Variants in TMEM117 observed in about 807,000 individuals in gnomAD.
The protein encoded by TMEM117 is transmembrane protein 117.
In TMEM117, 27 loss-of-function variants were observed where a neutral mutation model predicts 52.4. The observed-to-expected ratio is 0.51, with a 90% CI of 0.38 to 0.71. TMEM117 has a LOEUF of 0.71. TMEM117 is among the 30% of genes least tolerant of loss of function. The probability of loss-of-function intolerance (pLI) is 0.00; values close to 1 mark genes in which losing one functional copy is unlikely to be tolerated. For synonymous variants in TMEM117, 215 were observed against 206.3 expected, an observed-to-expected ratio of 1.04 and a Z score of -0.36; for missense variants, 556 against 630.5, an observed-to-expected ratio of 0.88 and a Z score of 1.26.
chr12:44,286,190 T>G (rs1467667043), intron 5 of TMEM117, among the ~76,000 whole-genome samples: 1 of 151,944 alleles, frequency 6.6e-6, no homozygotes, highest in Non-Finnish European at 1.5e-5. Flanking sequence ...TATTTTTATT[T>G]CCTTTAAGAT....
chr12:43,810,968 A>AAAG, the TMEM117 span, among the ~76,000 whole-genome samples: 1 of 152,248 alleles, frequency 6.6e-6, no homozygotes, highest in Non-Finnish European at 1.5e-5. Context: ...GATCCCAGAA[A>AAAG]AAGAACTGTT....
At chr12:43,937,767 T>G (rs1285484572) in intron 2 of TMEM117, among the ~76,000 whole-genome samples, 3 of 152,148 alleles carry the variant, frequency 2.0e-5, no homozygotes, top group African/African-American at 4.8e-5. Flanking sequence ...ACAAATAACT[T>G]AAGACATACT....
At chr12:43,862,608 T>C (rs1592315022) in intron 2 of TMEM117, among the ~76,000 whole-genome samples, 1 of 152,294 alleles carries the variant, frequency 6.6e-6, no homozygotes, top group Non-Finnish European at 1.5e-5. Flanking sequence ...GAAAAAGAAG[T>C]ACTTCTAGCT....
At chr12:43,915,501 T>G (rs1944586364) in intron 2 of TMEM117, among the ~76,000 whole-genome samples, 1 of 152,192 alleles carries the variant, frequency 6.6e-6, no homozygotes, top group Non-Finnish European at 1.5e-5. Context: ...ATATCAGTGC[T>G]TCTTATACAA....
chr12:43,954,788 C>T lies in TMEM117; in HGVS notation c.410+10446C>T, dbSNP rs543461334. On this transcript the variant is annotated intron_variant, in intron 3 of 7. Coordinates refer to ENST00000266534, the MANE Select transcript of TMEM117 (RefSeq NM_032256.3). ...TCCTCCATAACTCACTTTATGAGGC[C>T]AGCATCATCCTGATACAAAAACCTG... Among the ~76,000 whole-genome samples the T allele has an allele frequency of 1.2e-4, 19 of 152,274 alleles. No individual in the cohort carries two copies. The East Asian group carries it at 2.9e-3, about 23-fold the overall frequency.
chr12:44,100,983 C>G (rs922620581), intron 3 of TMEM117, among the ~76,000 whole-genome samples: 1 of 151,850 alleles, frequency 6.6e-6, no homozygotes, highest in Non-Finnish European at 1.5e-5. Flanking sequence ...GTGTGAAGTT[C>G]AAGATTAAGG....
At chr12:44,087,955 A>C (rs899198924) in intron 3 of TMEM117, among the ~76,000 whole-genome samples, 2 of 152,200 alleles carry the variant, frequency 1.3e-5, no homozygotes, top group African/African-American at 2.4e-5. Context: ...GAAGTCTTTT[A>C]CATTCTTAAA....
chr12:44,371,886 C>T (rs1702892457), intron 6 of TMEM117, among the ~76,000 whole-genome samples: 2 of 152,102 alleles, frequency 1.3e-5, no homozygotes, highest in South Asian at 4.2e-4. Context: ...AGTAAACCAT[C>T]CATATATGTA....
chr12:44,261,775 G>A (rs1950323317), intron 5 of TMEM117, among the ~76,000 whole-genome samples: 1 of 152,188 alleles, frequency 6.6e-6, no homozygotes, highest in Admixed American at 6.5e-5. Context: ...ACCTTCACAT[G>A]CGCAGCATTT....
At chr12:43,899,404 G>A (rs570415057) in intron 2 of TMEM117, among the ~76,000 whole-genome samples, 1 of 152,134 alleles carries the variant, frequency 6.6e-6, no homozygotes, top group African/African-American at 2.4e-5. Flanking sequence ...TTAGTATGTG[G>A]TTGGGGGTTT....
At chr12:44,216,107 A>C (rs147018441) in intron 5 of TMEM117, among the ~76,000 whole-genome samples, 1,788 of 148,144 alleles carry the variant, frequency 0.012, 31 homozygotes, top group African/African-American at 0.043. Context: ...TCCTGGGTGC[A>C]AGAGATTCTC....
At chr12:44,145,052 G>A (rs2138204785) in intron 4 of TMEM117, among the ~76,000 whole-genome samples, 1 of 152,308 alleles carries the variant, frequency 6.6e-6, no homozygotes, top group South Asian at 2.1e-4. Flanking sequence ...AGCTACTCGG[G>A]AGGCTGAGGC....
At chr12:43,921,067 C>T (rs1944685657) in intron 2 of TMEM117, among the ~76,000 whole-genome samples, 1 of 152,036 alleles carries the variant, frequency 6.6e-6, no homozygotes, top group Non-Finnish European at 1.5e-5. Context: ...TAATGTGGCC[C>T]TATTGATGCT....
chr12:43,887,484 C>A (rs1309514714), intron 2 of TMEM117, among the ~76,000 whole-genome samples: 1 of 152,148 alleles, frequency 6.6e-6, no homozygotes, highest in African/African-American at 2.4e-5. Flanking sequence ...GGGGCTTTTA[C>A]AAGAAACTAA....
At chr12:43,857,696 TG>T (rs1431358046) in intron 2 of TMEM117, among the ~76,000 whole-genome samples, 1 of 152,244 alleles carries the variant, frequency 6.6e-6, no homozygotes, top group Non-Finnish European at 1.5e-5. Context: ...AGTAGAGTAC[TG>T]TGATTTGAGA....
At chr12:43,928,610 A>T (rs555855821) in intron 2 of TMEM117, among the ~76,000 whole-genome samples, 1 of 151,894 alleles carries the variant, frequency 6.6e-6, no homozygotes, top group African/African-American at 2.4e-5. Context: ...TTTTATTATT[A>T]TACTTTAAGT....
At position 44,174,932 on chromosome 12, in the gene TMEM117, G is replaced by C. The variant is rs138062874; in HGVS notation, c.510+31308G>C. The stretch of plus-strand genomic sequence containing the variant: ...GTGGCAACGGGCACGGAGTCTCCTG[G>C]AGAAGGATCAGAGTATTTGAAGATC... On this transcript the variant is annotated intron_variant, in intron 4 of 7. Coordinates refer to ENST00000266534, the MANE Select transcript of TMEM117 (RefSeq NM_032256.3). 3.6e-3 allele frequency among the ~76,000 whole-genome samples: 548 copies of C among 152,280 alleles called. 3 individuals are homozygous for C. Among genetic ancestry groups the C allele is most frequent in the East Asian group, 0.014 (75 of 5,188 alleles).
chr12:43,806,421 C>G, the TMEM117 span: 1 of 1,143,384 alleles, frequency 8.7e-7, no homozygotes, highest in Non-Finnish European at 1.1e-6. Flanking sequence ...CCCCGCCGCC[C>G]TTCCTGGCCG....
At chr12:43,948,274 A>G (rs937442690) in intron 3 of TMEM117, among the ~76,000 whole-genome samples, 2 of 151,966 alleles carry the variant, frequency 1.3e-5, no homozygotes, top group Non-Finnish European at 2.9e-5. Context: ...TCTGTTCCTT[A>G]TACCACTAAA....
Sources: gnomAD v4.1 joint callset for allele counts (sites outside exome capture counted in the v4.1 genomes callset) on GRCh38, gnomAD v4.1.1 for gene constraint, MANE v1.5 for transcripts, NCBI Gene and HGNC (gene_info 2026-07-23, HGNC 2026-07-21) for gene names.